The following ITGBL1 variants were observed in gnomAD, a reference collection of about 807,000 sequenced individuals.
ITGBL1 encodes the protein integrin beta-like protein 1.
ITGBL1 carries 51 observed loss-of-function variants against 68.5 expected under a neutral mutation model. The ratio of observed to expected loss-of-function variants is 0.74; its 90% confidence interval spans 0.59 to 0.94. The LOEUF is 0.94. ITGBL1 is among the 40% of genes least tolerant of loss of function. The pLI is 0.00. For missense variants in ITGBL1, 649 were observed against 647.4 expected, an observed-to-expected ratio of 1.00 and a Z score of -0.03; for synonymous variants, 209 against 227.3, an observed-to-expected ratio of 0.92 and a Z score of 0.72.
chr13:101,484,873 C>T (rs543393051), intron 2 of ITGBL1, among the ~76,000 whole-genome samples: 17 of 152,018 alleles, frequency 1.1e-4, no homozygotes, highest in Middle Eastern at 3.4e-3. Flanking sequence ...GCACAAGACG[C>T]TCAATAAACT....
intron 7 of ITGBL1, among the ~76,000 whole-genome samples, chr13:101,654,658 G>A (rs141158346): frequency 2.6e-5 from 4 of 152,244 alleles, no homozygotes; most frequent in Middle Eastern, 3.4e-3. Flanking sequence ...TTACATTTGA[G>A]GTGCTTATGA....
chr13:101,516,181 T>C (rs551657064), intron 2 of ITGBL1, among the ~76,000 whole-genome samples: 3 of 152,142 alleles, frequency 2.0e-5, no homozygotes, highest in Non-Finnish European at 4.4e-5. Flanking sequence ...TAAAGCAGTG[T>C]TTTGAATTAT....
chr13:101,490,612 A>G (rs1393522188), intron 2 of ITGBL1, among the ~76,000 whole-genome samples: 2 of 152,154 alleles, frequency 1.3e-5, no homozygotes, highest in African/African-American at 4.8e-5. Flanking sequence ...AGTCTTGAAG[A>G]GTAAGAGGGA....
intron 7 of ITGBL1, among the ~76,000 whole-genome samples, chr13:101,686,337 G>A (rs1273218746): frequency 1.3e-5 from 2 of 151,864 alleles, no homozygotes; most frequent in Admixed American, 1.3e-4. Context: ...CATATAAAGA[G>A]AAAAAAATAA....
In ITGBL1 at chr13:101,583,102, T is replaced by C. The variant is rs1242246242; in HGVS notation, c.728-114T>C. ...CCTTTTTAGAATATTTTTGTCTGAA[T>C]ATATGTGTTTTTTTCAAACACAAAG... On this transcript the variant is annotated intron_variant, in intron 5 of 10. Coordinates refer to ENST00000376180, the MANE Select transcript of ITGBL1 (RefSeq NM_004791.3). The C allele has an allele frequency of 5.0e-6, 5 of 1,006,062 alleles. No homozygotes were observed. In the African/African-American group the frequency reaches 6.4e-5, roughly 13 times the overall value. The allele number at this position is 1,006,062 out of a possible 1,614,324, so 62.3% of individuals were successfully genotyped here. A position where few individuals can be genotyped will look rare whatever the true frequency, so the allele number is the denominator to read the frequency against.
At chr13:101,691,833 A>G (rs752605496) in intron 7 of ITGBL1, among the ~76,000 whole-genome samples, 9 of 152,160 alleles carry the variant, frequency 5.9e-5, no homozygotes, top group Non-Finnish European at 1.2e-4. Flanking sequence ...GTTTAGTAAA[A>G]TGATTGTAAT....
chr13:101,541,251 T>G (rs1182524800), intron 2 of ITGBL1, among the ~76,000 whole-genome samples: 1 of 151,008 alleles, frequency 6.6e-6, no homozygotes, highest in East Asian at 1.9e-4. Context: ...TTATTGAGAG[T>G]TTTTAGCATG....
intron 2 of ITGBL1, 86 bp downstream of exon 2, chr13:101,454,186 GGGACA>G: frequency 6.5e-6 from 6 of 929,218 alleles, no homozygotes; most frequent in Non-Finnish European, 9.0e-6. Flanking sequence ...GTGAAGGGTG[GGGACA>G]CGCCTCCCTT....
intron 7 of ITGBL1, among the ~76,000 whole-genome samples, chr13:101,605,098 G>C (rs1338468603): frequency 6.9e-6 from 1 of 145,824 alleles, no homozygotes; most frequent in Non-Finnish European, 1.5e-5. Flanking sequence ...ATGTGTATAT[G>C]TGTATATATG....
At chr13:101,587,852 C>T (rs569928032) in intron 6 of ITGBL1, among the ~76,000 whole-genome samples, 1 of 152,134 alleles carries the variant, frequency 6.6e-6, no homozygotes, top group African/African-American at 2.4e-5. Flanking sequence ...AAAAAAATAG[C>T]AAGTACTACC....
At chr13:101,568,366 A>G (rs1410539695) in intron 3 of ITGBL1, among the ~76,000 whole-genome samples, 1 of 152,170 alleles carries the variant, frequency 6.6e-6, no homozygotes, top group Non-Finnish European at 1.5e-5. Context: ...TTTTTTACAA[A>G]ATTGTAGCAA....
At chr13:101,572,260 T>C (rs2050285840) in intron 3 of ITGBL1, among the ~76,000 whole-genome samples, 1 of 152,060 alleles carries the variant, frequency 6.6e-6, no homozygotes, top group Non-Finnish European at 1.5e-5. Context: ...TGTGGTTTTC[T>C]GAAGTAGTTT....
chr13:101,551,306 T>C (rs889225797), intron 2 of ITGBL1, among the ~76,000 whole-genome samples: 1 of 152,190 alleles, frequency 6.6e-6, no homozygotes, highest in Non-Finnish European at 1.5e-5. Flanking sequence ...CTTCGCCTAA[T>C]GTAGTACTGA....
At chr13:101,623,035 GATTAT>G (rs1387352587) in intron 7 of ITGBL1, among the ~76,000 whole-genome samples, 8 of 151,732 alleles carry the variant, frequency 5.3e-5, no homozygotes, top group Non-Finnish European at 1.2e-4. Context: ...ATTGAGATTA[GATTAT>G]ATTTTGCAGA....
At chr13:101,574,828 G>A (rs1438652926) in intron 3 of ITGBL1, among the ~76,000 whole-genome samples, 1 of 152,046 alleles carries the variant, frequency 6.6e-6, no homozygotes, top group Non-Finnish European at 1.5e-5. Context: ...AATCTGGTGA[G>A]TTACCAGCAA....
intron 8 of ITGBL1, among the ~76,000 whole-genome samples, chr13:101,703,579 A>G (rs892280447): frequency 2.6e-5 from 4 of 152,186 alleles, no homozygotes; most frequent in Admixed American, 2.0e-4. Context: ...TTGGAGAGAC[A>G]TGACAGGAAG....
chr13:101,552,288 G>A (rs577499446), intron 2 of ITGBL1, among the ~76,000 whole-genome samples: 8 of 152,196 alleles, frequency 5.3e-5, no homozygotes, highest in South Asian at 2.1e-4. Flanking sequence ...CTTGGCTTAT[G>A]GATTTATTCT....
intron 8 of ITGBL1, among the ~76,000 whole-genome samples, chr13:101,697,977 C>A (rs951537934): frequency 6.6e-6 from 1 of 152,116 alleles, no homozygotes; most frequent in Admixed American, 6.5e-5. Flanking sequence ...GCTGGTTTTT[C>A]CAAAGCAATT....
At chr13:101,597,194 A>G (rs11069450) in intron 6 of ITGBL1, among the ~76,000 whole-genome samples, 28,508 of 152,058 alleles carry the variant, frequency 0.19, 2,916 homozygotes, top group Admixed American at 0.25. Context: ...ATATCTCCGC[A>G]TCTCTCTCAG....
Sources: allele counts gnomAD v4.1 joint callset (sites outside exome capture counted in the v4.1 genomes callset), GRCh38; gene constraint gnomAD v4.1.1; transcripts MANE v1.5; gene names NCBI Gene and HGNC (gene_info 2026-07-23, HGNC 2026-07-21).